SHISA9: variants seen among roughly 807,000 people sequenced by gnomAD.
The protein encoded by SHISA9 is shisa family member 9, also known as protein shisa-9.
A neutral mutation model predicts 38.0 loss-of-function variants in SHISA9; 13 were observed. The observed-to-expected ratio is 0.34, with a 90% confidence interval of 0.22 to 0.54. SHISA9 has a LOEUF of 0.54. Ranked by LOEUF, SHISA9 falls within the 20% of genes least tolerant of loss-of-function variation. SHISA9 has a pLI of 0.91. For synonymous variants in SHISA9, 275 were observed against 242.0 expected (o/e 1.14, Z -1.27); for missense variants, 538 against 575.8 (o/e 0.93, Z 0.67).
the SHISA9 span, among the ~76,000 whole-genome samples, chr16:13,311,519 G>C: frequency 3.7e-4 from 57 of 152,208 alleles, no homozygotes; most frequent in African/African-American, 1.3e-3. Flanking sequence ...ACTCTGATTG[G>C]TCCAGCCTTG....
At chr16:13,274,752 G>C in the SHISA9 span, among the ~76,000 whole-genome samples, 8 of 152,150 alleles carry the variant, frequency 5.3e-5, no homozygotes, top group Non-Finnish European at 1.0e-4. Flanking sequence ...TTGCCTCGAA[G>C]CTGGAAAAGC....
intron 2 of SHISA9, among the ~76,000 whole-genome samples, chr16:12,981,126 T>C (rs567827021): frequency 6.6e-6 from 1 of 152,332 alleles, no homozygotes; most frequent in East Asian, 1.9e-4. Flanking sequence ...CCTGGAGGTA[T>C]TGGGTACTTT....
chr16:12,956,274 G>C (rs563816021), intron 2 of SHISA9, among the ~76,000 whole-genome samples: 2 of 152,330 alleles, frequency 1.3e-5, no homozygotes, highest in South Asian at 4.1e-4. Context: ...TTTATACACT[G>C]TTGGTGAGAA....
the SHISA9 span, among the ~76,000 whole-genome samples, chr16:13,361,236 GT>G: frequency 6.6e-6 from 1 of 152,112 alleles, no homozygotes; most frequent in African/African-American, 2.4e-5. Flanking sequence ...GGGGAATGGG[GT>G]TGCTCGCTCT....
the SHISA9 span, among the ~76,000 whole-genome samples, chr16:13,260,562 G>A: frequency 3.9e-5 from 6 of 152,120 alleles, no homozygotes; most frequent in Non-Finnish European, 5.9e-5. Flanking sequence ...CTTTACTCCA[G>A]TTCCCAAGAA....
intron 2 of SHISA9, among the ~76,000 whole-genome samples, chr16:13,186,543 G>C (rs149423498): frequency 2.0e-5 from 3 of 151,846 alleles, no homozygotes; most frequent in Non-Finnish European, 4.4e-5. Flanking sequence ...TGATACACCC[G>C]CCTCTGCCTC....
the SHISA9 span, among the ~76,000 whole-genome samples, chr16:13,252,737 T>C: frequency 6.6e-6 from 1 of 152,228 alleles, no homozygotes; most frequent in Non-Finnish European, 1.5e-5. Context: ...CTCTTCTCAC[T>C]GGGATGGAAG....
At chr16:13,228,111 G>A (rs1482705290) in intron 4 of SHISA9, among the ~76,000 whole-genome samples, 1 of 152,142 alleles carries the variant, frequency 6.6e-6, no homozygotes. Context: ...CACACCTAAG[G>A]AAACAGGCAT....
the SHISA9 span, among the ~76,000 whole-genome samples, chr16:13,435,850 G>A: frequency 6.6e-6 from 1 of 152,200 alleles, no homozygotes; most frequent in Non-Finnish European, 1.5e-5. Flanking sequence ...GTGAGGAAAT[G>A]TGATTGTGTG....
At chr16:13,429,727 T>C in the SHISA9 span, among the ~76,000 whole-genome samples, 5 of 152,260 alleles carry the variant, frequency 3.3e-5, no homozygotes, top group African/African-American at 1.2e-4. Context: ...GTTGGAGTTA[T>C]AGTTAAAATG....
At chr16:13,401,712 G>T in the SHISA9 span, among the ~76,000 whole-genome samples, 1 of 152,192 alleles carries the variant, frequency 6.6e-6, no homozygotes, top group Non-Finnish European at 1.5e-5. Flanking sequence ...CTGGCATCTG[G>T]ATCTTGGAAT....
chr16:13,361,613 G>A, the SHISA9 span, among the ~76,000 whole-genome samples: 1 of 152,228 alleles, frequency 6.6e-6, no homozygotes, highest in Non-Finnish European at 1.5e-5. Flanking sequence ...GTTTGAGTGA[G>A]TTCATGGGGA....
chr16:13,471,545 C>A, the SHISA9 span, among the ~76,000 whole-genome samples: 1 of 152,144 alleles, frequency 6.6e-6, no homozygotes, highest in Admixed American at 6.5e-5. Flanking sequence ...CTCTGCACAA[C>A]TCTCCCTCTT....
At chr16:13,079,393 T>C (rs1382556189) in intron 2 of SHISA9, among the ~76,000 whole-genome samples, 1 of 152,214 alleles carries the variant, frequency 6.6e-6, no homozygotes, top group Non-Finnish European at 1.5e-5. Flanking sequence ...CATAAGCTTT[T>C]ACTATATATG....
the SHISA9 span, among the ~76,000 whole-genome samples, chr16:13,442,652 T>C: frequency 6.6e-6 from 1 of 152,134 alleles, no homozygotes; most frequent in Non-Finnish European, 1.5e-5. Flanking sequence ...ACTTCAGATT[T>C]TCAAGATGTT....
the SHISA9 span, among the ~76,000 whole-genome samples, chr16:13,499,570 C>A: frequency 1.3e-3 from 191 of 152,252 alleles, no homozygotes; most frequent in African/African-American, 4.4e-3. Flanking sequence ...TTATCTTCTT[C>A]TTAATGCCTT....
intron 2 of SHISA9, among the ~76,000 whole-genome samples, chr16:12,963,733 T>C (rs1248501544): frequency 6.6e-6 from 1 of 152,186 alleles, no homozygotes; most frequent in Non-Finnish European, 1.5e-5. Flanking sequence ...ATTTAAATAC[T>C]TCCATTTCTG....
At chr16:13,382,606 C>T in the SHISA9 span, among the ~76,000 whole-genome samples, 2 of 151,026 alleles carry the variant, frequency 1.3e-5, no homozygotes, top group Admixed American at 6.6e-5. Context: ...CACCTGTAAT[C>T]CCAGGACTTT....
intron 2 of SHISA9, among the ~76,000 whole-genome samples, chr16:13,038,706 A>G (rs1432265856): frequency 2.0e-5 from 3 of 152,134 alleles, no homozygotes; most frequent in Non-Finnish European, 2.9e-5. Context: ...TACCAACCAT[A>G]CAAAGTTATG....
Sources: gnomAD v4.1 joint callset for allele counts (sites outside exome capture counted in the v4.1 genomes callset) on GRCh38, gnomAD v4.1.1 for gene constraint, MANE v1.5 for transcripts, NCBI Gene and HGNC (gene_info 2026-07-23, HGNC 2026-07-21) for gene names.